Variants in KCNJ4 observed in about 807,000 individuals in gnomAD.
KCNJ4 encodes inward rectifier potassium channel 4.
KCNJ4 carries 3 observed loss-of-function variants against 25.6 expected under a neutral mutation model. That is an observed-to-expected ratio of 0.12 (90% confidence interval 0.05 to 0.30). The LOEUF (loss-of-function observed/expected upper bound fraction) is 0.30, where lower values mean the gene tolerates loss of function less well. Among genes scored for constraint, KCNJ4 ranks in the 10% least tolerant of loss-of-function variants. KCNJ4 has a pLI of 1.00. For missense variants in KCNJ4, 286 were observed against 666.8 expected (o/e 0.43, Z 6.29); for synonymous variants, 257 against 283.9 (o/e 0.91, Z 0.95).
chr22:38,442,846 G>A (rs541667094), intron 1 of KCNJ4, among the ~76,000 whole-genome samples: 26 of 152,180 alleles, frequency 1.7e-4, no homozygotes, highest in African/African-American at 6.3e-4. Context: ...AGGCTCAAGC[G>A]ATCCTCCCAC....
Position 38,427,382 on chromosome 22 carries a change from C to CA in KCNJ4, c.750_751insT (p.Asp251Ter). The CA allele has an allele frequency of 6.2e-7, 1 of 1,614,080 alleles. No individual in the cohort carries two copies. Among genetic ancestry groups the CA allele is most frequent in the Non-Finnish European group, 8.5e-7 (1 of 1,180,030 alleles). On this transcript the variant is annotated frameshift_variant, in exon 2 of 2. Coordinates refer to ENST00000303592, the MANE Select transcript of KCNJ4 (RefSeq NM_152868.3). LOFTEE classifies it high-confidence loss of function. ...ATGGGCGACACCAGGAAGATGCGGTCCAGGCCGATGTCATAGCCCACGTTG... is the reference window on the plus strand; with the variant it reads ...ATGGGCGACACCAGGAAGATGCGGTCACAGGCCGATGTCATAGCCCACGTTG...
chr22:38,437,051 T>G (rs1215335871), intron 1 of KCNJ4, among the ~76,000 whole-genome samples: 1 of 152,218 alleles, frequency 6.6e-6, no homozygotes, highest in East Asian at 1.9e-4. Context: ...CCCAGGTTCC[T>G]GATTTCAGGT....
intron 1 of KCNJ4, among the ~76,000 whole-genome samples, chr22:38,429,113 A>G (rs1481685931): frequency 1.3e-5 from 2 of 151,634 alleles, no homozygotes; most frequent in Non-Finnish European, 2.9e-5. Context: ...AAAAGAAAGA[A>G]AAAGTTCTAC....
In KCNJ4 at chr22:38,427,099, G is replaced by A. The variant is rs749602094; in HGVS notation, c.1034C>T (p.Thr345Met). ...CAGCTCCCGGGCCGAGCAGCAGGGC[G>A]TGCCGGCCACCTCGTAGGTCTTGTG... Reference protein sequence around the residue: ...RFHKTYEVAGTPCCSARELQE... With the variant: ...RFHKTYEVAGMPCCSARELQE... The change falls in exon 2 of 2, where the codon ACG becomes ATG. Residue 345 changes from threonine to methionine, a missense_variant. By Grantham distance (81) the Thr-to-Met change is moderately conservative. Coordinates refer to ENST00000303592, the MANE Select transcript of KCNJ4 (RefSeq NM_152868.3). The A allele has an allele frequency of 6.1e-5, 98 of 1,612,816 alleles. No homozygotes were observed. Among genetic ancestry groups the A allele is most frequent in the Non-Finnish European group, 8.2e-5 (97 of 1,180,002 alleles).
Position 38,443,087 on chromosome 22 carries a change from T to C in KCNJ4, c.-40+11893A>G, listed in dbSNP as rs549464936. On this transcript the variant is annotated intron_variant, in intron 1 of 1. Transcript: ENST00000303592. This position sits in a 1 kb window ranked among gnomAD's most constrained non-coding sequence, Gnocchi z 4.1. The stretch of plus-strand genomic sequence containing the variant: ...CTCTCCACTCTTCCTCACCTCCTAG[T>C]CTCCCCTCAGCCCCCTCCAGAGCTC... 6.6e-6 allele frequency among the ~76,000 whole-genome samples: 1 copy of C among 152,162 alleles called. No individual in the cohort carries two copies. Among genetic ancestry groups the C allele is most frequent in the East Asian group, 1.9e-4 (1 of 5,172 alleles).
intron 1 of KCNJ4, among the ~76,000 whole-genome samples, chr22:38,446,948 C>T (rs2089378584): frequency 1.9e-5 from 2 of 104,430 alleles, no homozygotes; most frequent in South Asian, 9.6e-4. Flanking sequence ...GAGCGAGACT[C>T]CATCTCAAAA....
chr22:38,434,173 C>A (rs2093058625), intron 1 of KCNJ4, among the ~76,000 whole-genome samples: 2 of 152,182 alleles, frequency 1.3e-5, no homozygotes, highest in Admixed American at 6.5e-5. Context: ...GAGCAGTGGC[C>A]AGTGCCAGCC....
chr22:38,426,699 C>A lies in KCNJ4; in HGVS notation c.*96G>T, dbSNP rs1489113282. 2.1e-6 allele frequency: 3 copies of A among 1,442,572 alleles called. No homozygotes were observed. Among genetic ancestry groups the A allele is most frequent in the African/African-American group, 2.9e-5 (2 of 70,118 alleles). 89.4% of individuals were successfully genotyped at this position (1,442,572 alleles called of 1,614,324 possible). A position where few individuals can be genotyped will look rare whatever the true frequency, so the allele number is the denominator to read the frequency against. On this transcript the variant is annotated 3_prime_UTR_variant, in exon 2 of 2. Coordinates refer to ENST00000303592, the MANE Select transcript of KCNJ4 (RefSeq NM_152868.3). ...CCTTCCTCCAGAAGGTCCACGGAGC[C>A]AGGGTTGGCTCTGTCCTGAGTGTGG...
At chr22:38,445,650 T>C (rs893949865) in intron 1 of KCNJ4, among the ~76,000 whole-genome samples, 2 of 152,164 alleles carry the variant, frequency 1.3e-5, no homozygotes, top group African/African-American at 4.8e-5. Context: ...GGCTATATAT[T>C]TAAAGCTGAA....
intron 1 of KCNJ4, among the ~76,000 whole-genome samples, chr22:38,442,724 T>C (rs1016452601): frequency 2.6e-5 from 4 of 152,110 alleles, no homozygotes; most frequent in Admixed American, 2.0e-4. Flanking sequence ...GTTTGTAAAC[T>C]GTAAAGTGCA....
intron 1 of KCNJ4, among the ~76,000 whole-genome samples, chr22:38,454,479 T>C (rs926682837): frequency 2.0e-5 from 3 of 152,160 alleles, no homozygotes; most frequent in Non-Finnish European, 4.4e-5. Context: ...GTGCCTCCTC[T>C]ACCAATCCCT....
rs538246448 is a variant in KCNJ4 at position 38,438,171 on chromosome 22, G to C, written c.-39-10000C>G. 2.0e-5 allele frequency among the ~76,000 whole-genome samples: 3 copies of C among 148,624 alleles called. 1 individual carries two copies. Among genetic ancestry groups the C allele is most frequent in the African/African-American group, 7.5e-5 (3 of 40,244 alleles). On this transcript the variant is annotated intron_variant, in intron 1 of 1. Transcript: ENST00000303592. Reference sequence around the variant, plus strand: ...GGAGAATTGCTTGAACCTGGGAGGGGGGAGGTTGCAGTGAGCCGAGATCAT... The same window carrying C: ...GGAGAATTGCTTGAACCTGGGAGGGCGGAGGTTGCAGTGAGCCGAGATCAT...
intron 1 of KCNJ4, among the ~76,000 whole-genome samples, chr22:38,448,518 G>A (rs2089391105): frequency 6.6e-6 from 1 of 152,160 alleles, no homozygotes; most frequent in Admixed American, 6.5e-5. Context: ...AGGGAGTGCT[G>A]CCCTTCCCCT....
At chr22:38,432,304 T>A (rs975655973) in intron 1 of KCNJ4, among the ~76,000 whole-genome samples, 9 of 150,814 alleles carry the variant, frequency 6.0e-5, no homozygotes, top group Non-Finnish European at 1.2e-4. Context: ...TAAAATAAAA[T>A]AAAAAAGACC....
At chr22:38,441,153 G>A (rs1258927609) in intron 1 of KCNJ4, among the ~76,000 whole-genome samples, 1 of 152,176 alleles carries the variant, frequency 6.6e-6, no homozygotes, top group Non-Finnish European at 1.5e-5. Flanking sequence ...CCAGCTCACA[G>A]ACAGGAGAGG....
chr22:38,436,689 T>C (rs1202400060), intron 1 of KCNJ4, among the ~76,000 whole-genome samples: 2 of 152,202 alleles, frequency 1.3e-5, no homozygotes, highest in Non-Finnish European at 2.9e-5. Flanking sequence ...GCTGAGCATC[T>C]GAGCATTGAG....
chr22:38,426,735 C>T lies in KCNJ4; in HGVS notation c.*60G>A. ...CTGTCCTGAGTGTGGGAGGGGGTGT[C>T]CTGGCATCCCACCCCCGGCAGAGGC... On this transcript the variant is annotated 3_prime_UTR_variant, in exon 2 of 2. Transcript: ENST00000303592. The T allele has an allele frequency of 1.3e-6, 2 of 1,537,694 alleles. No individual in the cohort carries two copies. The highest frequency in any genetic ancestry group is 8.8e-7 in the Non-Finnish European group (1 of 1,136,110).
intron 1 of KCNJ4, among the ~76,000 whole-genome samples, chr22:38,433,187 C>T (rs1430879040): frequency 1.3e-5 from 2 of 152,176 alleles, no homozygotes; most frequent in Non-Finnish European, 2.9e-5. Context: ...GTGGCTCACG[C>T]CTGTAATCCC....
chr22:38,441,564 G>A (rs2089333860), intron 1 of KCNJ4, among the ~76,000 whole-genome samples: 1 of 152,098 alleles, frequency 6.6e-6, no homozygotes, highest in South Asian at 2.1e-4. Context: ...AGAACCTAGG[G>A]GGATGGGGGC....
Sources: allele counts gnomAD v4.1 joint callset (sites outside exome capture counted in the v4.1 genomes callset), GRCh38; gene constraint gnomAD v4.1.1; non-coding constraint Gnocchi (gnomAD v3.1); transcripts MANE v1.5; gene names NCBI Gene and HGNC (gene_info 2026-07-23, HGNC 2026-07-21).